The following HELZ variants were observed in gnomAD, a reference collection of about 807,000 sequenced individuals.
HELZ encodes helicase with zinc finger, also known as ATP-dependent RNA helicase with zinc finger domain.
A neutral mutation model predicts 218.2 loss-of-function variants in HELZ; 23 were observed. The observed-to-expected ratio is 0.11, with a 90% CI of 0.08 to 0.15. The LOEUF (loss-of-function observed/expected upper bound fraction) is 0.15. Ranked by LOEUF, HELZ falls within the 10% of genes least tolerant of loss-of-function variation. The pLI is 1.00. For missense variants in HELZ, 1,813 were observed against 2,353.7 expected, an observed-to-expected ratio of 0.77 and a Z score of 4.75; for synonymous variants, 814 against 829.4, an observed-to-expected ratio of 0.98 and a Z score of 0.32.
chr17:67,203,238 CT>C (rs1307045663), intron 6 of HELZ, 80 bp downstream of exon 6: 30 of 1,415,212 alleles, frequency 2.1e-5, no homozygotes, highest in Admixed American at 4.4e-5. Context: ...AAAAGATACA[CT>C]TTTTTTTCCC....
At chr17:67,190,766 A>G (rs1325881367) in intron 9 of HELZ, among the ~76,000 whole-genome samples, 5 of 152,222 alleles carry the variant, frequency 3.3e-5, no homozygotes, top group African/African-American at 1.2e-4. Flanking sequence ...GCTGGAGTGC[A>G]GTGGCGTAAT....
chr17:67,167,436 T>C, intron 14 of HELZ, 27 bp downstream of exon 14: 3 of 1,518,560 alleles, frequency 2.0e-6, no homozygotes, highest in African/African-American at 1.4e-5. Context: ...CAGACCACTA[T>C]GGTTAAGCTG....
intron 3 of HELZ, among the ~76,000 whole-genome samples, chr17:67,231,421 A>G (rs1027008918): frequency 1.3e-5 from 2 of 151,852 alleles, no homozygotes; most frequent in African/African-American, 4.8e-5. Context: ...GTGAAACCCC[A>G]TCTCTACTAA....
intron 3 of HELZ, chr17:67,224,636 C>A: frequency 3.4e-6 from 2 of 580,572 alleles, no homozygotes; most frequent in Non-Finnish European, 6.4e-6. Context: ...AATAAGTGAG[C>A]ATGGGAGACA....
chr17:67,174,535 G>C (rs149420744), intron 13 of HELZ, among the ~76,000 whole-genome samples: 101 of 152,190 alleles, frequency 6.6e-4, no homozygotes, highest in African/African-American at 2.4e-3. Context: ...ATGGTAGCTC[G>C]CGCCTGTAAT....
At chr17:67,240,375 CAGA>C (rs1366345846) in intron 2 of HELZ, among the ~76,000 whole-genome samples, 7 of 152,166 alleles carry the variant, frequency 4.6e-5, no homozygotes, top group South Asian at 4.1e-4. Flanking sequence ...GGACTAGAGA[CAGA>C]AGAAGAACAG....
chr17:67,124,761 T>C (rs1264301699), intron 24 of HELZ, among the ~76,000 whole-genome samples: 1 of 152,130 alleles, frequency 6.6e-6, no homozygotes, highest in Non-Finnish European at 1.5e-5. Flanking sequence ...GCAGGATTTA[T>C]TAAATAAGCA....
At chr17:67,218,968 A>G (rs1436323315) in intron 3 of HELZ, 146 bp from the exon 4 acceptor site, 1 of 605,722 alleles carries the variant, frequency 1.7e-6, no homozygotes, top group Non-Finnish European at 2.9e-6. Flanking sequence ...AGCAGCAGCT[A>G]TTGATGCTAC....
At chr17:67,174,583 G>A (rs1056407902) in intron 13 of HELZ, among the ~76,000 whole-genome samples, 1 of 152,146 alleles carries the variant, frequency 6.6e-6, no homozygotes, top group African/African-American at 2.4e-5. Flanking sequence ...CAGATCACCT[G>A]AGGTCAGGAG....
intron 15 of HELZ, among the ~76,000 whole-genome samples, chr17:67,163,899 T>C (rs976503620): frequency 1.3e-5 from 2 of 152,168 alleles, no homozygotes; most frequent in African/African-American, 4.8e-5. Flanking sequence ...ATTACAGTGG[T>C]ATAAAAATCT....
chr17:67,163,696 C>G (rs2039056542), intron 15 of HELZ, among the ~76,000 whole-genome samples: 1 of 151,666 alleles, frequency 6.6e-6, no homozygotes, highest in East Asian at 1.9e-4. Flanking sequence ...CCCACCGCAC[C>G]CAACCTATTT....
chr17:67,201,102 C>G (rs1598412583), intron 7 of HELZ, 27 bp downstream of exon 7: 1 of 1,527,104 alleles, frequency 6.5e-7, no homozygotes, highest in East Asian at 2.3e-5. Flanking sequence ...CAAACTCTTC[C>G]AAACGGATCC....
intron 32 of HELZ, among the ~76,000 whole-genome samples, chr17:67,079,109 T>G (rs992937003): frequency 4.6e-5 from 7 of 152,212 alleles, no homozygotes; most frequent in African/African-American, 1.7e-4. Flanking sequence ...ACTTCACATT[T>G]CCTATAATGT....
In HELZ at chr17:67,085,359, T is replaced by C. The variant is rs573246739; in HGVS notation, c.5494+1470A>G. On this transcript the variant is annotated intron_variant, in intron 32 of 32. Transcript: ENST00000358691. ...ATCATTTGAGCCTGGGGTGTGAAGG[T>C]TGCAGTGAGCCGAGATTGCACTACT... is the stretch of plus-strand genomic sequence containing the variant. Among the ~76,000 whole-genome samples the C allele has an allele frequency of 1.0e-3, 155 of 152,182 alleles. 1 individual carries two copies. The highest frequency in any genetic ancestry group is 1.2e-3 in the Non-Finnish European group (84 of 68,022).
chr17:67,155,994 T>C (rs892264167), intron 17 of HELZ, among the ~76,000 whole-genome samples: 1 of 97,198 alleles, frequency 1.0e-5, no homozygotes, highest in African/African-American at 5.1e-5. Flanking sequence ...CATAATTTGT[T>C]ATATAATATA....
intron 3 of HELZ, among the ~76,000 whole-genome samples, chr17:67,238,022 C>T (rs1372873939): frequency 6.8e-6 from 1 of 146,662 alleles, no homozygotes; most frequent in Admixed American, 6.8e-5. Flanking sequence ...AAGCTTTTTG[C>T]GGATGAAGAT....
chr17:67,094,415 C>T (rs973203806), intron 31 of HELZ, among the ~76,000 whole-genome samples: 1 of 149,932 alleles, frequency 6.7e-6, no homozygotes, highest in African/African-American at 2.5e-5. Flanking sequence ...GAGATACAGA[C>T]ATACCTTGGA....
chr17:67,239,676 C>T (rs1173822936), intron 2 of HELZ, 187 bp from the exon 3 acceptor site: 1 of 152,178 alleles, frequency 6.6e-6, no homozygotes, highest in African/African-American at 2.4e-5. Context: ...AGATTAAAAA[C>T]AAGCTTGGTT....
chr17:67,166,941 C>G (rs1469511571), intron 14 of HELZ, among the ~76,000 whole-genome samples: 2 of 152,120 alleles, frequency 1.3e-5, no homozygotes, highest in African/African-American at 4.8e-5. Flanking sequence ...CTACCATTCC[C>G]ATGAAAATAC....
Sources: allele counts gnomAD v4.1 joint callset (sites outside exome capture counted in the v4.1 genomes callset), GRCh38; gene constraint gnomAD v4.1.1; transcripts MANE v1.5; gene names NCBI Gene and HGNC (gene_info 2026-07-23, HGNC 2026-07-21).